NRG3: variants seen among roughly 807,000 people sequenced by gnomAD.
The protein encoded by NRG3 is neuregulin 3, also known as pro-neuregulin-3, membrane-bound isoform.
Under a neutral mutation model 66.9 loss-of-function variants are expected in NRG3, and 31 were observed. The observed-to-expected ratio is 0.46, with a 90% confidence interval of 0.35 to 0.63. The LOEUF (loss-of-function observed/expected upper bound fraction) is 0.63, where lower values mean the gene tolerates loss of function less well. NRG3 is among the 20% of genes least tolerant of loss of function. The pLI is 0.00. For missense variants in NRG3, 910 were observed against 878.9 expected (o/e 1.04, Z -0.45); for synonymous variants, 393 against 359.4 (o/e 1.09, Z -1.06).
At chr10:82,781,382 C>G (rs922333214) in intron 3 of NRG3, among the ~76,000 whole-genome samples, 1 of 152,142 alleles carries the variant, frequency 6.6e-6, no homozygotes, top group African/African-American at 2.4e-5. Flanking sequence ...ACTTCTTAAT[C>G]TGACCTTATC....
intron 2 of NRG3, among the ~76,000 whole-genome samples, chr10:82,419,033 T>C (rs942936203): frequency 6.6e-5 from 10 of 152,184 alleles, no homozygotes; most frequent in Non-Finnish European, 1.5e-4. Flanking sequence ...TGGATATGAT[T>C]AGTGAAACAC....
At position 82,873,398 on chromosome 10, in the gene NRG3, AT is replaced by A. The variant is rs146373631; in HGVS notation, c.1054+7964del. 7.2e-3 allele frequency among the ~76,000 whole-genome samples: 1,099 copies of A among 152,292 alleles called. 12 individuals carry two copies. Among genetic ancestry groups the A allele is most frequent in the African/African-American group, 0.025 (1,034 of 41,562 alleles). On this transcript the variant is annotated intron_variant, in intron 4 of 8. Coordinates refer to ENST00000372141, the MANE Select transcript of NRG3 (RefSeq NM_001010848.4). ...AGATTTTTACAGTCAGATGTTTGAAATTTCCTTAACAGTTTGAATAGATCAA... is the reference window on the plus strand; with the variant it reads ...AGATTTTTACAGTCAGATGTTTGAAATTCCTTAACAGTTTGAATAGATCAA...
At chr10:82,173,881 T>C (rs1449337609) in intron 1 of NRG3, among the ~76,000 whole-genome samples, 1 of 152,182 alleles carries the variant, frequency 6.6e-6, no homozygotes, top group Admixed American at 6.6e-5. Flanking sequence ...CATTTTGTAC[T>C]GAGACCTTTA....
chr10:82,621,416 T>G (rs1413277732), intron 2 of NRG3, among the ~76,000 whole-genome samples: 1 of 152,164 alleles, frequency 6.6e-6, no homozygotes, highest in African/African-American at 2.4e-5. Flanking sequence ...TAGCTGCAGT[T>G]TTGACCCTTT....
intron 2 of NRG3, among the ~76,000 whole-genome samples, chr10:82,523,965 A>G (rs1846445444): frequency 6.6e-6 from 1 of 152,042 alleles, no homozygotes; most frequent in Non-Finnish European, 1.5e-5. Context: ...GAGAAAGAAG[A>G]TCTTGTTTTC....
intron 1 of NRG3, among the ~76,000 whole-genome samples, chr10:82,173,963 G>A (rs901392410): frequency 6.6e-6 from 1 of 152,086 alleles, no homozygotes; most frequent in Non-Finnish European, 1.5e-5. Flanking sequence ...ACTTTGAAGT[G>A]TAATTCATTT....
At chr10:82,045,514 GGTTGCCT>G (rs1487734086) in intron 1 of NRG3, among the ~76,000 whole-genome samples, 1 of 45,360 alleles carries the variant, frequency 2.2e-5, no homozygotes, top group African/African-American at 5.1e-5. Flanking sequence ...CCATTTTGTA[GGTTGCCT>G]GTTCACTCTG....
intron 6 of NRG3, among the ~76,000 whole-genome samples, chr10:82,972,596 A>G (rs997158354): frequency 6.6e-6 from 1 of 152,166 alleles, no homozygotes; most frequent in African/African-American, 2.4e-5. Flanking sequence ...TTGATTAGAA[A>G]TGGTACTTAG....
chr10:82,654,808 C>T (rs568426346), intron 2 of NRG3, among the ~76,000 whole-genome samples: 20 of 152,100 alleles, frequency 1.3e-4, no homozygotes, highest in African/African-American at 4.8e-4. Flanking sequence ...GGAAATAATT[C>T]TTCTCCGTGG....
chr10:82,060,432 G>A (rs2064081733), intron 1 of NRG3, among the ~76,000 whole-genome samples: 1 of 152,128 alleles, frequency 6.6e-6, no homozygotes, highest in African/African-American at 2.4e-5. Context: ...AGCCTGAACT[G>A]CAATGATTTT....
At chr10:82,648,781 G>A (rs1224800415) in intron 2 of NRG3, among the ~76,000 whole-genome samples, 4 of 152,110 alleles carry the variant, frequency 2.6e-5, no homozygotes, top group African/African-American at 9.7e-5. Context: ...GTGAATGGGA[G>A]TTCACTCATG....
intron 1 of NRG3, among the ~76,000 whole-genome samples, chr10:82,195,711 T>C (rs1164156728): frequency 6.6e-6 from 1 of 152,180 alleles, no homozygotes; most frequent in South Asian, 2.1e-4. Flanking sequence ...TGCTAATCAG[T>C]TGACATTGAA....
chr10:82,155,699 G>T (rs1448024192), intron 1 of NRG3, among the ~76,000 whole-genome samples: 1 of 151,738 alleles, frequency 6.6e-6, no homozygotes, highest in East Asian at 1.9e-4. Flanking sequence ...ACTGAAGAAG[G>T]CTGTGAGATT....
At chr10:82,668,964 C>A (rs548331653) in intron 2 of NRG3, among the ~76,000 whole-genome samples, 2 of 152,164 alleles carry the variant, frequency 1.3e-5, no homozygotes, top group African/African-American at 4.8e-5. Context: ...TACTTCCCAT[C>A]TGGGAACTGC....
At chr10:82,852,920 A>G (rs2063631286) in intron 3 of NRG3, among the ~76,000 whole-genome samples, 1 of 152,186 alleles carries the variant, frequency 6.6e-6, no homozygotes, top group Non-Finnish European at 1.5e-5. Context: ...ATTATTAGAC[A>G]ATAGTTTCCT....
chr10:82,815,533 A>G (rs1026430136), intron 3 of NRG3, among the ~76,000 whole-genome samples: 2 of 152,020 alleles, frequency 1.3e-5, no homozygotes, highest in Non-Finnish European at 2.9e-5. Flanking sequence ...GCTTTCCCCC[A>G]TGTGGCTAGA....
At chr10:82,140,798 C>G (rs78324167) in intron 1 of NRG3, among the ~76,000 whole-genome samples, 1 of 151,994 alleles carries the variant, frequency 6.6e-6, no homozygotes, top group South Asian at 2.1e-4. Flanking sequence ...TGTCTTGGCA[C>G]GAAGTTTCAC....
chr10:82,417,133 T>C (rs2136203448), intron 2 of NRG3, among the ~76,000 whole-genome samples: 1 of 152,316 alleles, frequency 6.6e-6, no homozygotes. Context: ...CACTTACAAA[T>C]ATTTTATACA....
intron 1 of NRG3, among the ~76,000 whole-genome samples, chr10:81,997,977 C>T (rs2061009257): frequency 6.6e-6 from 1 of 151,720 alleles, no homozygotes; most frequent in African/African-American, 2.4e-5. Flanking sequence ...TACCTCTGAG[C>T]TGAGCAGGTC....
Sources: gnomAD v4.1 joint callset for allele counts (sites outside exome capture counted in the v4.1 genomes callset) on GRCh38, gnomAD v4.1.1 for gene constraint, MANE v1.5 for transcripts, NCBI Gene and HGNC (gene_info 2026-07-23, HGNC 2026-07-21) for gene names.